The following FOXP1 variants were observed in gnomAD, a reference collection of about 807,000 sequenced individuals.
The protein encoded by FOXP1 is forkhead box protein P1.
FOXP1 carries 15 observed loss-of-function variants against 98.2 expected under a neutral mutation model. The observed-to-expected ratio is 0.15, with a 90% CI of 0.10 to 0.24. The LOEUF is 0.24. Among genes scored for constraint, FOXP1 ranks in the 10% least tolerant of loss-of-function variants. FOXP1 has a pLI of 1.00. For synonymous variants in FOXP1, 371 were observed against 314.5 expected (o/e 1.18, Z -1.90); for missense variants, 633 against 848.5 (o/e 0.75, Z 3.15).
intron 2 of FOXP1, among the ~76,000 whole-genome samples, chr3:71,521,940 C>G (rs567153198): frequency 6.6e-6 from 1 of 152,184 alleles, no homozygotes; most frequent in East Asian, 1.9e-4. Context: ...CTCCAATGCA[C>G]CAAACTTTTT....
chr3:71,030,865 T>C (rs948218816), intron 11 of FOXP1, among the ~76,000 whole-genome samples: 3 of 152,232 alleles, frequency 2.0e-5, no homozygotes, highest in Non-Finnish European at 2.9e-5. Context: ...ACGAGACATC[T>C]TGTTCTTGTC....
chr3:71,024,407 T>C (rs1305261249), intron 11 of FOXP1, among the ~76,000 whole-genome samples: 2 of 152,308 alleles, frequency 1.3e-5, no homozygotes, highest in East Asian at 3.9e-4. Context: ...TGTTTATTAA[T>C]CAGTTTTCCA....
chr3:71,551,238 C>A (rs1438891309), intron 2 of FOXP1, among the ~76,000 whole-genome samples: 1 of 152,106 alleles, frequency 6.6e-6, no homozygotes, highest in East Asian at 1.9e-4. Context: ...GTTCCATCCA[C>A]AAAAACATTC....
intron 5 of FOXP1, among the ~76,000 whole-genome samples, chr3:71,224,781 T>TA (rs1272620722): frequency 1.3e-5 from 2 of 152,202 alleles, no homozygotes; most frequent in Non-Finnish European, 2.9e-5. Context: ...AATCACAGAT[T>TA]AGCACTGTAG....
At chr3:71,523,606 TA>T (rs1438377063) in intron 2 of FOXP1, among the ~76,000 whole-genome samples, 1 of 152,200 alleles carries the variant, frequency 6.6e-6, no homozygotes, top group African/African-American at 2.4e-5. Context: ...CGAGTCACCT[TA>T]GGGGGCATTC....
intron 3 of FOXP1, among the ~76,000 whole-genome samples, chr3:71,378,436 C>T (rs2079893717): frequency 6.6e-6 from 1 of 152,102 alleles, no homozygotes; most frequent in South Asian, 2.1e-4. Flanking sequence ...TTTTCAATTG[C>T]CCACCATGCT....
intron 19 of FOXP1, among the ~76,000 whole-genome samples, chr3:70,967,991 G>T (rs544775109): frequency 6.6e-6 from 1 of 152,220 alleles, no homozygotes; most frequent in African/African-American, 2.4e-5. Context: ...ATTGGGATGA[G>T]TTTGTCATCC....
intron 20 of FOXP1, among the ~76,000 whole-genome samples, chr3:70,960,572 G>C (rs2033137713): frequency 6.6e-6 from 1 of 152,218 alleles, no homozygotes; most frequent in Non-Finnish European, 1.5e-5. Flanking sequence ...GAGTTAAAAT[G>C]GTCCCATCTC....
chr3:71,331,480 C>A (rs957809567), intron 4 of FOXP1, among the ~76,000 whole-genome samples: 1 of 151,808 alleles, frequency 6.6e-6, no homozygotes, highest in African/African-American at 2.4e-5. Flanking sequence ...CTGAGGAGTG[C>A]GGGCGCACGG....
intron 2 of FOXP1, among the ~76,000 whole-genome samples, chr3:71,535,303 G>A (rs747132672): frequency 6.6e-6 from 1 of 152,136 alleles, no homozygotes; most frequent in African/African-American, 2.4e-5. Flanking sequence ...TTTCACTGGA[G>A]GAGAACTTAA....
intron 6 of FOXP1, among the ~76,000 whole-genome samples, chr3:71,183,498 CA>C (rs1404610482): frequency 1.3e-5 from 2 of 151,800 alleles, no homozygotes; most frequent in African/African-American, 4.8e-5. Flanking sequence ...CACCCTGTCT[CA>C]AAAACAAAAC....
chr3:71,414,234 T>G (rs2083021427), intron 3 of FOXP1, among the ~76,000 whole-genome samples: 1 of 152,250 alleles, frequency 6.6e-6, no homozygotes, highest in African/African-American at 2.4e-5. Flanking sequence ...GGGGATTTCC[T>G]GTTTCCAGGC....
intron 4 of FOXP1, among the ~76,000 whole-genome samples, chr3:71,330,434 C>A (rs2076224337): frequency 6.6e-6 from 1 of 152,114 alleles, no homozygotes; most frequent in Non-Finnish European, 1.5e-5. Flanking sequence ...AGATGACAGT[C>A]CACACATTTG....
intron 3 of FOXP1, among the ~76,000 whole-genome samples, chr3:71,427,741 A>G (rs1162881144): frequency 6.6e-6 from 1 of 152,214 alleles, no homozygotes; most frequent in African/African-American, 2.4e-5. Flanking sequence ...ATGAGGGGTG[A>G]GGGGTCAAAA....
intron 13 of FOXP1, among the ~76,000 whole-genome samples, chr3:70,992,798 T>C (rs114619788): frequency 2.0e-5 from 3 of 152,274 alleles, no homozygotes; most frequent in South Asian, 2.1e-4. Flanking sequence ...GAAAAATAAG[T>C]GTCGTGGTTT....
intron 20 of FOXP1, 95 bp downstream of exon 20, chr3:70,965,795 A>G: frequency 8.3e-7 from 1 of 1,210,422 alleles, no homozygotes; most frequent in Middle Eastern, 2.7e-4. Context: ...ATTACAGAAA[A>G]GGTATATAAA....
At chr3:71,345,230 A>G (rs1234868902) in intron 4 of FOXP1, among the ~76,000 whole-genome samples, 4 of 152,048 alleles carry the variant, frequency 2.6e-5, no homozygotes, top group Non-Finnish European at 5.9e-5. Context: ...TCTACTAAAA[A>G]TACAAAAATT....
At chr3:71,472,411 G>T (rs1200674404) in intron 3 of FOXP1, among the ~76,000 whole-genome samples, 1 of 151,420 alleles carries the variant, frequency 6.6e-6, no homozygotes, top group African/African-American at 2.4e-5. Context: ...TTCAGTAGAA[G>T]TTCTGAAAAT....
At chr3:71,268,292 G>C (rs1409800106) in intron 5 of FOXP1, among the ~76,000 whole-genome samples, 1 of 151,748 alleles carries the variant, frequency 6.6e-6, no homozygotes, top group Admixed American at 6.6e-5. Flanking sequence ...TCAGCTAGAT[G>C]AAGGAGGCGG....
Sources: gnomAD v4.1 joint callset for allele counts (sites outside exome capture counted in the v4.1 genomes callset) on GRCh38, gnomAD v4.1.1 for gene constraint, MANE v1.5 for transcripts, NCBI Gene and HGNC (gene_info 2026-07-23, HGNC 2026-07-21) for gene names.